The following BRWD3 variants were observed in gnomAD, a reference collection of about 807,000 sequenced individuals.
The protein encoded by BRWD3 is bromodomain and WD repeat domain containing 3.
A neutral mutation model predicts 149.7 loss-of-function variants in BRWD3; 10 were observed. The observed-to-expected ratio is 0.07, with a 90% CI of 0.04 to 0.11. The LOEUF (loss-of-function observed/expected upper bound fraction) is 0.11, where lower values mean the gene tolerates loss of function less well. BRWD3 is among the 10% of genes least tolerant of loss of function. The pLI, the probability that BRWD3 is intolerant of heterozygous loss-of-function variation, is 1.00. For synonymous variants in BRWD3, 504 were observed against 456.7 expected (o/e 1.10, Z -1.32); for missense variants, 940 against 1,373.2 (o/e 0.68, Z 4.99).
chrX:80,746,006 C>T (rs1434181755), intron 6 of BRWD3, among the ~76,000 whole-genome samples: 2 of 110,379 alleles, frequency 1.8e-5, no homozygotes, highest in Non-Finnish European at 3.8e-5. Context: ...TTTCTTGGTA[C>T]GCTATAGTCA....
intron 6 of BRWD3, 147 bp downstream of exon 6, chrX:80,791,707 A>G: frequency 2.3e-6 from 1 of 439,039 alleles, no homozygotes; most frequent in Non-Finnish European, 4.0e-6. Flanking sequence ...ATGTTTTAAA[A>G]ATCTGGACTA....
At chrX:80,682,925 G>A (rs1218334125) in intron 37 of BRWD3, among the ~76,000 whole-genome samples, 1 of 111,769 alleles carries the variant, frequency 8.9e-6, no homozygotes, top group Non-Finnish European at 1.9e-5. Flanking sequence ...AAACCTTAAA[G>A]ATACACACAT....
chrX:80,673,034 T>C lies in BRWD3; in HGVS notation c.*3575A>G, dbSNP rs1602290898. On this transcript the variant is annotated 3_prime_UTR_variant, in exon 41 of 41. Coordinates refer to ENST00000373275, the MANE Select transcript of BRWD3 (RefSeq NM_153252.5). ...TTATCAAAAAGTTAGAAGTGGCATT[T>C]ATATCTTTCTCTCTCAATCACTCTA... 2 of 112,361 alleles carry C rather than the reference T, an allele frequency of 1.8e-5. No homozygotes were observed. Among genetic ancestry groups the C allele is most frequent in the Middle Eastern group, 9.2e-3 (2 of 217 alleles). 9.3% of individuals were successfully genotyped at this position (112,361 alleles called of 1,213,427 possible).
At chrX:80,710,287 C>G in intron 20 of BRWD3, 1 of 349,344 alleles carries the variant, frequency 2.9e-6, no homozygotes, top group Non-Finnish European at 5.3e-6. Context: ...AACAATATGG[C>G]TGGAGACCAT....
rs1189486628 is a variant in BRWD3, at chrX:80,728,822, A to G, written c.1316T>C (p.Ile439Thr). The change falls in exon 14 of 41, where the codon ATT becomes ACT. Residue 439 changes from isoleucine (I) to threonine (T), a missense_variant. Ile to Thr is a moderately conservative substitution (Grantham distance 89, BLOSUM62 -1). Coordinates refer to ENST00000373275, the MANE Select transcript of BRWD3 (RefSeq NM_153252.5). ...CAAAAGAAAATTGTTCACTGCAGTA[A>G]TAACTGTGGTATCATAGCGATCCCA... is the stretch of plus-strand genomic sequence containing the variant. ...VAWDRYDTTV[I>T]TAVNNFLLKV... The G allele has an allele frequency of 1.7e-6, 2 of 1,206,629 alleles. No homozygotes were observed. The highest frequency in any genetic ancestry group is 2.2e-6 in the Non-Finnish European group (2 of 890,783).
chrX:80,747,381 TC>T (rs1342090344), intron 6 of BRWD3, among the ~76,000 whole-genome samples: 1 of 108,455 alleles, frequency 9.2e-6, no homozygotes, highest in Admixed American at 1.0e-4. Context: ...GCTAGTAGGA[TC>T]CCCCCCACAC....
chrX:80,806,896 G>A (rs2074353342), intron 4 of BRWD3, among the ~76,000 whole-genome samples: 1 of 111,983 alleles, frequency 8.9e-6, no homozygotes, highest in Admixed American at 9.5e-5. Context: ...TTTTGGTGAG[G>A]AGACTATTTT....
chrX:80,705,262 T>G (rs2147717572), intron 22 of BRWD3, among the ~76,000 whole-genome samples: 1 of 104,067 alleles, frequency 9.6e-6, no homozygotes, highest in South Asian at 4.5e-4. Flanking sequence ...TGAGACTCCA[T>G]CTCAAAAAAA....
intron 6 of BRWD3, among the ~76,000 whole-genome samples, chrX:80,770,292 C>T (rs2073924186): frequency 9.0e-6 from 1 of 111,208 alleles, no homozygotes; most frequent in African/African-American, 3.3e-5. Context: ...GGCAGAGACA[C>T]AACAAAAAAA....
chrX:80,768,312 G>T (rs1414486034), intron 6 of BRWD3, among the ~76,000 whole-genome samples: 1 of 111,217 alleles, frequency 9.0e-6, no homozygotes, highest in African/African-American at 3.3e-5. Context: ...AGGAAAAAAT[G>T]TTAAGGGCAG....
intron 25 of BRWD3, among the ~76,000 whole-genome samples, chrX:80,698,705 T>C (rs2072738107): frequency 1.8e-5 from 1 of 55,069 alleles, no homozygotes; most frequent in Non-Finnish European, 4.8e-5. Context: ...CGAGACTCTG[T>C]CTTAAAAAAA....
chrX:80,700,994 T>C (rs751339060), intron 24 of BRWD3, among the ~76,000 whole-genome samples: 3 of 110,684 alleles, frequency 2.7e-5, no homozygotes, highest in Non-Finnish European at 5.7e-5. Flanking sequence ...TGTACTATAC[T>C]TCAAATTATA....
rs2072558766 is a variant in BRWD3 at position 80,688,087 on chromosome X, A to T, written c.3846T>A (p.Gly1282=). The part of the protein sequence containing the change: ...EIVDLDSDGP[G]TSSGRKVKCR... ...TACTCACCTTTCTTCCAGATGAAGT[A>T]CCAGGACCGTCTGAATCTAAATCAA... Residue 1282 remains glycine, a synonymous_variant, in exon 34 of 41, where the codon GGT becomes GGA. Coordinates refer to ENST00000373275, the MANE Select transcript of BRWD3 (RefSeq NM_153252.5). The T allele has an allele frequency of 2.5e-6, 3 of 1,202,981 alleles. No individual in the cohort carries two copies. The highest frequency in any genetic ancestry group is 1.1e-6 in the Non-Finnish European group (1 of 887,605).
At chrX:80,743,812 T>C (rs185646721) in intron 8 of BRWD3, 2 of 385,825 alleles carry the variant, frequency 5.2e-6, no homozygotes, top group African/African-American at 5.1e-5. Flanking sequence ...ACTCTATTTA[T>C]AGAACTTTTT....
Position 80,682,458 on chromosome X carries a change from A to AT in BRWD3, c.4397+6dup. 1 of 1,208,210 alleles carries AT rather than the reference A, an allele frequency of 8.3e-7. No individual in the cohort carries two copies. The highest frequency in any genetic ancestry group is 1.1e-6 in the Non-Finnish European group (1 of 892,566). On this transcript the variant is annotated splice_region_variant and intron_variant, in intron 38 of 40. Transcript: ENST00000373275. ...GAACAAAAAATGTTGCATCAATGTA[A>AT]TGATACCTAGGTGCTCCACTACTAG...
chrX:80,698,342 T>C (rs2072731630), intron 25 of BRWD3, among the ~76,000 whole-genome samples: 1 of 112,157 alleles, frequency 8.9e-6, no homozygotes, highest in Non-Finnish European at 1.9e-5. Flanking sequence ...CCAGGTCTTA[T>C]TCCAAAGCCC....
rs1042716247 is a variant in BRWD3, at chrX:80,721,705, A to T, written c.1876+857T>A. ...TTATTCTACTATCTTCCTATCATAT[A>T]TCACATTCATCTCTGCTTTTCCAAT... On this transcript the variant is annotated intron_variant, in intron 17 of 40. Coordinates refer to ENST00000373275, the MANE Select transcript of BRWD3 (RefSeq NM_153252.5). 3.7e-4 allele frequency among the ~76,000 whole-genome samples: 42 copies of T among 112,030 alleles called. 1 individual carries two copies. The highest frequency in any genetic ancestry group is 9.5e-5 in the Admixed American group (1 of 10,496).
At chrX:80,711,012 AAAAG>A (rs1211689342) in intron 20 of BRWD3, among the ~76,000 whole-genome samples, 1 of 111,542 alleles carries the variant, frequency 9.0e-6, no homozygotes, top group African/African-American at 3.3e-5. Flanking sequence ...CCTGAAAAAA[AAAAG>A]AAATGTCTGG....
Position 80,674,258 on chromosome X carries a change from C to T in BRWD3, c.*2351G>A, listed in dbSNP as rs2072344936. 9.0e-6 allele frequency: 1 copy of T among 111,435 alleles called. No homozygotes were observed. The highest frequency in any genetic ancestry group is 1.9e-5 in the Non-Finnish European group (1 of 52,973). 9.2% of individuals were successfully genotyped at this position (111,435 alleles called of 1,213,427 possible). On this transcript the variant is annotated 3_prime_UTR_variant, in exon 41 of 41. Transcript: ENST00000373275. ...TTAAAATGTCTTCAGCCTTATTATT[C>T]TAATTATCTAATTCTAGAAAATCTT...
Sources: allele counts gnomAD v4.1 joint callset (sites outside exome capture counted in the v4.1 genomes callset), GRCh38; gene constraint gnomAD v4.1.1; transcripts MANE v1.5; gene names NCBI Gene and HGNC (gene_info 2026-07-23, HGNC 2026-07-21).